Variants in ROS1 observed in about 807,000 individuals in gnomAD.
ROS1 encodes ROS proto-oncogene 1, receptor tyrosine kinase.
ROS1 carries 263 observed loss-of-function variants against 273.5 expected under a neutral mutation model. The ratio of observed to expected loss-of-function variants is 0.96; its 90% CI spans 0.87 to 1.06. The LOEUF (loss-of-function observed/expected upper bound fraction) is 1.06. Ranked by LOEUF, ROS1 falls within the 50% of genes least tolerant of loss-of-function variation. ROS1 has a pLI of 0.00. For missense variants in ROS1, 2,833 were observed against 2,751.1 expected (o/e 1.03, Z -0.67); for synonymous variants, 1,008 against 954.1 (o/e 1.06, Z -1.04).
intron 22 of ROS1, 40 bp downstream of exon 22, chr6:117,362,563 G>A (rs759315631): frequency 1.5e-5 from 24 of 1,574,212 alleles, no homozygotes; most frequent in African/African-American, 1.2e-4. Context: ...CCACAATGCC[G>A]CTATTAAGAC....
intron 18 of ROS1, among the ~76,000 whole-genome samples, chr6:117,367,289 G>A (rs1388153797): frequency 1.3e-5 from 2 of 150,748 alleles, no homozygotes; most frequent in African/African-American, 4.8e-5. Flanking sequence ...TTGCATTGAG[G>A]GATTTGAAAA....
intron 27 of ROS1, among the ~76,000 whole-genome samples, chr6:117,349,953 CACAT>C (rs1322717934): frequency 2.0e-5 from 3 of 151,928 alleles, no homozygotes; most frequent in Non-Finnish European, 2.9e-5. Context: ...TATATATGCA[CACAT>C]ACATACATAA....
intron 5 of ROS1, 128 bp from the exon 6 acceptor site, chr6:117,404,556 T>C: frequency 4.0e-6 from 3 of 749,446 alleles, no homozygotes; most frequent in Non-Finnish European, 6.4e-6. Context: ...ATAACTCACT[T>C]GAATAATCAA....
rs114562915 is a variant in ROS1, at chr6:117,344,587, T to C, written c.4304-325A>G. Among the ~76,000 whole-genome samples the C allele has an allele frequency of 2.3e-3, 343 of 152,276 alleles. 2 individuals are homozygous for C. The highest frequency in any genetic ancestry group is 7.9e-3 in the African/African-American group (330 of 41,560). ...AGGAAAAACTGTTTCTGAAGTTTGATTGCAGCCCAGACAATCATGTGACAC... is the reference window on the plus strand; with the variant it reads ...AGGAAAAACTGTTTCTGAAGTTTGACTGCAGCCCAGACAATCATGTGACAC... On this transcript the variant is annotated intron_variant, in intron 27 of 43. Transcript: ENST00000368507.
At chr6:117,313,413 A>T (rs1775687821) in intron 39 of ROS1, among the ~76,000 whole-genome samples, 1 of 152,000 alleles carries the variant, frequency 6.6e-6, no homozygotes, top group African/African-American at 2.4e-5. Flanking sequence ...ACTACAAAAA[A>T]TATACAAAAA....
chr6:117,416,866 A>C, intron 2 of ROS1, among the ~76,000 whole-genome samples: 1 of 151,976 alleles, frequency 6.6e-6, no homozygotes. Flanking sequence ...ATTTCTTCTT[A>C]CCTTACTTAA....
At position 117,317,153 on chromosome 6, in the gene ROS1, C is replaced by A. The variant is rs369340872; in HGVS notation, c.6107G>T (p.Arg2036Leu). 1 of 1,612,638 alleles carries A rather than the reference C, an allele frequency of 6.2e-7. No individual in the cohort carries two copies. Among genetic ancestry groups the A allele is most frequent in the South Asian group, 1.1e-5 (1 of 90,830 alleles). Reference protein sequence around the residue: ...GDLLTYLRKARMATFYGPLLT... With the variant: ...GDLLTYLRKALMATFYGPLLT... ...ATCCCAACTGCCTACCGTTGCCATC[C>A]GGGCTTTACGCAAATAAGTAAGAAG... The change falls in exon 39 of 44, where the codon CGG becomes CTG. Residue 2036 changes from arginine (R) to leucine (L), a missense_variant. Arg to Leu is a moderately radical substitution (Grantham distance 102, BLOSUM62 -2). Transcript: ENST00000368507.
At chr6:117,294,329 A>G (rs571829156) in intron 43 of ROS1, among the ~76,000 whole-genome samples, 3 of 152,192 alleles carry the variant, frequency 2.0e-5, no homozygotes, top group Non-Finnish European at 4.4e-5. Context: ...AGGGGAAAGA[A>G]AATAAAAAGG....
intron 8 of ROS1, 111 bp from the exon 9 acceptor site, chr6:117,396,375 T>C (rs557447425): frequency 9.7e-5 from 74 of 761,616 alleles, no homozygotes; most frequent in Non-Finnish European, 1.6e-4. Context: ...TGGCAATGCA[T>C]GAGTCTAGTT....
At chr6:117,354,828 A>G (rs1254392887) in intron 26 of ROS1, among the ~76,000 whole-genome samples, 1 of 152,226 alleles carries the variant, frequency 6.6e-6, no homozygotes, top group Non-Finnish European at 1.5e-5. Context: ...TTTAGTCAAG[A>G]TAAGTGCAAT....
At chr6:117,376,130 T>C (rs936837878) in intron 18 of ROS1, among the ~76,000 whole-genome samples, 1 of 151,776 alleles carries the variant, frequency 6.6e-6, no homozygotes, top group African/African-American at 2.4e-5. Context: ...GATAAATAAA[T>C]CTCATAAACT....
chr6:117,387,005 T>C lies in ROS1; in HGVS notation c.2000-6A>G. The C allele has an allele frequency of 1.3e-6, 2 of 1,555,530 alleles. No individual in the cohort carries two copies. Among genetic ancestry groups the C allele is most frequent in the Non-Finnish European group, 1.8e-6 (2 of 1,130,110 alleles). ...GATAAATGGTGGTTCACTAGCTGTT[T>C]AGTAAAAAAGAAATTAAAAGAAACA... On this transcript the variant is annotated splice_polypyrimidine_tract_variant and splice_region_variant and intron_variant, in intron 14 of 43. Coordinates refer to ENST00000368507, the MANE Select transcript of ROS1 (RefSeq NM_001378902.1).
At position 117,394,741 on chromosome 6, in the gene ROS1, G is replaced by T. The variant is rs370352101; in HGVS notation, c.884-3C>A. On this transcript the variant is annotated splice_region_variant and splice_polypyrimidine_tract_variant and intron_variant, in intron 9 of 43. Coordinates refer to ENST00000368507, the MANE Select transcript of ROS1 (RefSeq NM_001378902.1). ...GAGCCACTGTTCCTCTTGTTGAACT[G>T]AAAAAAACAACACAATTTGCAGACA... 76 of 1,602,096 alleles carry T rather than the reference G, an allele frequency of 4.7e-5. No homozygotes were observed. In the African/African-American group the frequency reaches 1.0e-3, roughly 21 times the overall value.
chr6:117,416,392 G>A, intron 2 of ROS1, 75 bp from the exon 3 acceptor site: 1 of 969,370 alleles, frequency 1.0e-6, no homozygotes. Context: ...AAAGTACAAT[G>A]TAGTAACAAA....
At chr6:117,343,273 G>A (rs1778095889) in intron 28 of ROS1, among the ~76,000 whole-genome samples, 1 of 152,158 alleles carries the variant, frequency 6.6e-6, no homozygotes, top group South Asian at 2.1e-4. Context: ...GTGTAAAAAG[G>A]GTTAATTAGA....
chr6:117,356,549 G>T, intron 26 of ROS1, 80 bp downstream of exon 26: 1 of 1,253,194 alleles, frequency 8.0e-7, no homozygotes, highest in Non-Finnish European at 1.1e-6. Context: ...GAGTATACGC[G>T]GAATGCAAGC....
At chr6:117,324,190 T>G (rs1776474205) in intron 35 of ROS1, 142 bp downstream of exon 35, 1 of 594,042 alleles carries the variant, frequency 1.7e-6, no homozygotes, top group Non-Finnish European at 3.0e-6. Flanking sequence ...TATAAATGTA[T>G]AGCCAAAGGT....
chr6:117,341,024 A>G, intron 31 of ROS1, 111 bp downstream of exon 31: 1 of 692,738 alleles, frequency 1.4e-6, no homozygotes, highest in Non-Finnish European at 2.4e-6. Flanking sequence ...TAAATCAATG[A>G]AAGTTGTCAA....
rs193121244 is a variant in ROS1 at position 117,311,065 on chromosome 6, A to T, written c.6170T>A (p.Ile2057Asn). The T allele has an allele frequency of 6.2e-7, 1 of 1,612,152 alleles. No homozygotes were observed. The highest frequency in any genetic ancestry group is 8.5e-7 in the Non-Finnish European group (1 of 1,178,938). ...TTCCAAGTAGACACAGCCTTTTGAAATATCTACACACAGGTCTACAAGGTC... is the reference window on the plus strand; with the variant it reads ...TTCCAAGTAGACACAGCCTTTTGAATTATCTACACACAGGTCTACAAGGTC... ...LVDLVDLCVD[I>N]SKGCVYLERM... The change falls in exon 40 of 44, where the codon ATT becomes AAT. Residue 2057 changes from isoleucine (I) to asparagine (N), a missense_variant. Ile to Asn is a moderately radical substitution (Grantham distance 149, BLOSUM62 -3). Coordinates refer to ENST00000368507, the MANE Select transcript of ROS1 (RefSeq NM_001378902.1).
Sources: gnomAD v4.1 joint callset for allele counts (sites outside exome capture counted in the v4.1 genomes callset) on GRCh38, gnomAD v4.1.1 for gene constraint, MANE v1.5 for transcripts, NCBI Gene and HGNC (gene_info 2026-07-23, HGNC 2026-07-21) for gene names.